The following RBM38 variants were observed in gnomAD, a reference collection of about 807,000 sequenced individuals.
The protein encoded by RBM38 is RNA-binding protein 38.
A neutral mutation model predicts 23.5 loss-of-function variants in RBM38; 11 were observed. That is an observed-to-expected ratio of 0.47 (90% CI 0.29 to 0.77). RBM38 has a LOEUF of 0.77. Ranked by LOEUF, RBM38 falls within the 30% of genes least tolerant of loss-of-function variation. The probability of loss-of-function intolerance (pLI) is 0.08; values close to 1 mark genes in which losing one functional copy is unlikely to be tolerated. For synonymous variants in RBM38, 165 were observed against 166.1 expected, an observed-to-expected ratio of 0.99 and a Z score of 0.05; for missense variants, 330 against 351.9, an observed-to-expected ratio of 0.94 and a Z score of 0.50.
At chr20:57,397,648 C>T (rs1355672283) in intron 3 of RBM38, among the ~76,000 whole-genome samples, 1 of 152,198 alleles carries the variant, frequency 6.6e-6, no homozygotes, top group African/African-American at 2.4e-5. Flanking sequence ...ACTGGGGAGG[C>T]AGTGATGGGA....
At chr20:57,406,229 C>T (rs1348643185) in intron 3 of RBM38, among the ~76,000 whole-genome samples, 3 of 152,200 alleles carry the variant, frequency 2.0e-5, no homozygotes, top group Non-Finnish European at 2.9e-5. Flanking sequence ...CCCAGGCCAC[C>T]GAGCAGCTGG....
intron 3 of RBM38, among the ~76,000 whole-genome samples, chr20:57,400,549 T>C (rs1228958016): frequency 6.6e-6 from 1 of 152,184 alleles, no homozygotes. Flanking sequence ...AGAGAACCCC[T>C]GAGTCATCCT....
intron 1 of RBM38, chr20:57,392,184 T>C (rs1024439572): frequency 9.3e-6 from 3 of 321,982 alleles, no homozygotes; most frequent in East Asian, 1.0e-4. Context: ...TGTTAGGAGC[T>C]CTTCGGCCTC....
At chr20:57,400,308 A>C (rs2067314743) in intron 3 of RBM38, among the ~76,000 whole-genome samples, 1 of 151,966 alleles carries the variant, frequency 6.6e-6, no homozygotes, top group African/African-American at 2.4e-5. Context: ...TGGGGTGCAA[A>C]TGCTGCCTGG....
intron 3 of RBM38, among the ~76,000 whole-genome samples, chr20:57,395,949 G>A (rs947389533): frequency 3.9e-5 from 6 of 152,244 alleles, no homozygotes; most frequent in African/African-American, 1.4e-4. Context: ...GCAGCTGAGG[G>A]TTGTCCACCA....
At chr20:57,392,926 C>T (rs2067236000) in intron 2 of RBM38, 149 bp downstream of exon 2, 3 of 1,092,666 alleles carry the variant, frequency 2.7e-6, no homozygotes, top group Non-Finnish European at 3.9e-6. Flanking sequence ...CAGCCATCCC[C>T]CCCTCGAGGA....
At position 57,407,557 on chromosome 20, in the gene RBM38, A is replaced by G; in HGVS notation, c.431A>G (p.Tyr144Cys). 8 of 1,613,630 alleles carry G rather than the reference A, an allele frequency of 5.0e-6. No homozygotes were observed. The highest frequency in any genetic ancestry group is 6.8e-6 in the Non-Finnish European group (8 of 1,179,738). The part of the protein sequence containing the change: ...IQRTYGLTPH[Y>C]IYPPAIVQPS... ...TGGCCCCACAGGCTGACCCCGCACT[A>G]CATCTACCCACCAGCCATCGTGCAG... Residue 144 changes from tyrosine (Y) to cysteine (C), a missense_variant, in exon 4 of 4, where the codon TAC becomes TGC. By Grantham distance (194) the Tyr-to-Cys change is radical (BLOSUM62 -2). This residue lies in a region of RBM38 where 227 missense variants were observed against 216.4 expected (regional missense o/e 1.05). Transcript: ENST00000356208. The surrounding 1 kb of genome is among the most constrained non-coding windows in gnomAD (Gnocchi z 4.0).
In RBM38 at chr20:57,392,776, G is replaced by A; in HGVS notation, c.360G>A (p.Thr120=). 2 of 1,612,328 alleles carry A rather than the reference G, an allele frequency of 1.2e-6. No homozygotes were observed. Residue 120 remains threonine (T), a splice_region_variant and synonymous_variant, in exon 2 of 4, where the codon ACG becomes ACA. Transcript: ENST00000356208. ...YLGAKPRSLQ[T]GFAIGVQQLH... ...GCGCCAAGCCGCGGAGCCTCCAGAC[G>A]GGTGAGAGCTTGTGTTTTCCTGCCT...
intron 3 of RBM38, among the ~76,000 whole-genome samples, chr20:57,397,266 C>G (rs752804898): frequency 6.6e-6 from 1 of 152,212 alleles, no homozygotes; most frequent in Admixed American, 6.5e-5. Context: ...TGATTGATTA[C>G]CTGTGCAAAA....
Position 57,396,754 on chromosome 20 carries a change from C to T in RBM38, c.416+3421C>T, listed in dbSNP as rs562785293. Among the ~76,000 whole-genome samples the T allele has an allele frequency of 5.9e-5, 9 of 152,294 alleles. No individual in the cohort carries two copies. The South Asian group carries it at 1.0e-3, about 18-fold the overall frequency. On this transcript the variant is annotated intron_variant, in intron 3 of 3. Transcript: ENST00000356208. ...ATGTCTCCAGACATTGCCAAATGTC[C>T]CCTGGATTTAGTGGCATGAGGACCA... is the stretch of plus-strand genomic sequence containing the variant.
Position 57,407,451 on chromosome 20 carries a change from T to G in RBM38, c.417-92T>G, listed in dbSNP as rs1600760854. 2 of 1,387,510 alleles carry G rather than the reference T, an allele frequency of 1.4e-6. No individual in the cohort carries two copies. The allele number at this position is 1,387,510 out of a possible 1,614,324, so 85.9% of individuals were successfully genotyped here. A position where few individuals can be genotyped will look rare whatever the true frequency, so the allele number is the denominator to read the frequency against. ...CGATGAGGAAAGTCGGGGCTCGGGG[T>G]GGGGGGCGGCACGCATCGTGTACCC... On this transcript the variant is annotated intron_variant, in intron 3 of 3. Transcript: ENST00000356208. This position sits in a 1 kb window ranked among gnomAD's most constrained non-coding sequence, Gnocchi z 4.0.
chr20:57,404,356 G>A (rs1483356844), intron 3 of RBM38, among the ~76,000 whole-genome samples: 5 of 152,256 alleles, frequency 3.3e-5, no homozygotes, highest in South Asian at 2.1e-4. Flanking sequence ...AAAACCTTGC[G>A]GGGAGATGTC....
chr20:57,402,883 T>C (rs902613104), intron 3 of RBM38, among the ~76,000 whole-genome samples: 1 of 152,256 alleles, frequency 6.6e-6, no homozygotes, highest in Non-Finnish European at 1.5e-5. Context: ...CGTGGGCACC[T>C]GTGGTCAGAG....
At chr20:57,396,706 C>T (rs540336901) in intron 3 of RBM38, among the ~76,000 whole-genome samples, 33 of 152,290 alleles carry the variant, frequency 2.2e-4, no homozygotes, top group African/African-American at 6.7e-4. Flanking sequence ...AGCATTGCCT[C>T]GCCCAAGTCA....
At chr20:57,394,656 C>G (rs1470412504) in intron 3 of RBM38, among the ~76,000 whole-genome samples, 1 of 152,132 alleles carries the variant, frequency 6.6e-6, no homozygotes, top group African/African-American at 2.4e-5. Flanking sequence ...TTGTAGATGT[C>G]TAGAGTCGTC....
Position 57,408,677 on chromosome 20 carries a change from G to T in RBM38, c.*831G>T, listed in dbSNP as rs1022573424. On this transcript the variant is annotated 3_prime_UTR_variant, in exon 4 of 4. Coordinates refer to ENST00000356208, the MANE Select transcript of RBM38 (RefSeq NM_017495.6). Reference sequence around the variant, plus strand: ...TAATAAAGTGTCTGCCGGCTCGCGGGCCAGGATCCTCTCGGTGGGATGGGC... The same window carrying T: ...TAATAAAGTGTCTGCCGGCTCGCGGTCCAGGATCCTCTCGGTGGGATGGGC... 1.3e-5 allele frequency: 2 copies of T among 152,272 alleles called. No individual in the cohort carries two copies. The highest frequency in any genetic ancestry group is 2.9e-5 in the Non-Finnish European group (2 of 68,024). 9.4% of individuals were successfully genotyped at this position (152,272 alleles called of 1,614,324 possible). A position where few individuals can be genotyped will look rare whatever the true frequency, so the allele number is the denominator to read the frequency against.
rs374582705 is a variant in RBM38, at chr20:57,407,657, G to A, written c.531G>A (p.Pro177=). The A allele has an allele frequency of 1.2e-4, 194 of 1,613,068 alleles. No homozygotes were observed. The African/African-American group carries it at 1.9e-3, about 16-fold the overall frequency. The change falls in exon 4 of 4, where the codon CCG becomes CCA. Residue 177 remains proline, a synonymous_variant. Coordinates refer to ENST00000356208, the MANE Select transcript of RBM38 (RefSeq NM_017495.6). This position sits in a 1 kb window ranked among gnomAD's most constrained non-coding sequence, Gnocchi z 4.0. ...SPYIEYTPAS[P]AYAQYPPATY... Reference sequence around the variant, plus strand: ...ACATTGAGTACACGCCGGCCAGCCCGGCCTACGCCCAGTACCCACCGGCCA... The same window carrying A: ...ACATTGAGTACACGCCGGCCAGCCCAGCCTACGCCCAGTACCCACCGGCCA...
intron 3 of RBM38, among the ~76,000 whole-genome samples, chr20:57,399,566 C>T (rs1314794489): frequency 6.6e-6 from 1 of 152,190 alleles, no homozygotes; most frequent in Non-Finnish European, 1.5e-5. Context: ...CTGTGCAGTA[C>T]AGTTTTGGGG....
intron 3 of RBM38, among the ~76,000 whole-genome samples, chr20:57,396,575 C>G (rs1428745581): frequency 2.6e-5 from 4 of 152,226 alleles, no homozygotes; most frequent in African/African-American, 9.6e-5. Context: ...GTGCGGGTCT[C>G]CCTGCCTGTT....
Sources: allele counts gnomAD v4.1 joint callset (sites outside exome capture counted in the v4.1 genomes callset), GRCh38; gene constraint gnomAD v4.1.1; regional missense constraint gnomAD v4.1.1; non-coding constraint Gnocchi (gnomAD v3.1); transcripts MANE v1.5; gene names NCBI Gene and HGNC (gene_info 2026-07-23, HGNC 2026-07-21).